Variants in PLXNA4 observed in about 807,000 individuals in gnomAD.
PLXNA4 encodes the protein plexin-A4.
A neutral mutation model predicts 191.8 loss-of-function variants in PLXNA4; 44 were observed. The observed-to-expected ratio is 0.23, with a 90% CI of 0.18 to 0.29. The LOEUF (loss-of-function observed/expected upper bound fraction) is 0.29. Among genes scored for constraint, PLXNA4 ranks in the 10% least tolerant of loss-of-function variants. The pLI is 1.00. For synonymous variants in PLXNA4, 1,082 were observed against 1,009.5 expected (o/e 1.07, Z -1.36); for missense variants, 1,800 against 2,488.8 (o/e 0.72, Z 5.89).
intron 3 of PLXNA4, among the ~76,000 whole-genome samples, chr7:132,377,097 A>G (rs1272301098): frequency 6.6e-6 from 1 of 152,204 alleles, no homozygotes; most frequent in Non-Finnish European, 1.5e-5. Context: ...CTATGAGGCA[A>G]TTGGATCTCT....
At chr7:132,635,145 G>A (rs927398540) in intron 2 of PLXNA4, among the ~76,000 whole-genome samples, 2 of 146,426 alleles carry the variant, frequency 1.4e-5, no homozygotes, top group Non-Finnish European at 3.0e-5. Flanking sequence ...GTGATGGTGT[G>A]AGTTAATACT....
At chr7:132,409,651 A>G (rs1017703723) in intron 3 of PLXNA4, among the ~76,000 whole-genome samples, 1 of 152,286 alleles carries the variant, frequency 6.6e-6, no homozygotes, top group East Asian at 1.9e-4. Flanking sequence ...TGATAATTAC[A>G]TGGGACTGTA....
intron 2 of PLXNA4, among the ~76,000 whole-genome samples, chr7:132,588,286 C>A (rs967830571): frequency 1.3e-5 from 2 of 151,932 alleles, no homozygotes; most frequent in Non-Finnish European, 2.9e-5. Flanking sequence ...TCTAGTTTGT[C>A]TTAAATGACC....
At chr7:132,244,910 T>C (rs1339476945) in intron 4 of PLXNA4, among the ~76,000 whole-genome samples, 1 of 152,230 alleles carries the variant, frequency 6.6e-6, no homozygotes, top group Non-Finnish European at 1.5e-5. Context: ...ACCTTGCTAG[T>C]ATGTTGCACA....
intron 3 of PLXNA4, among the ~76,000 whole-genome samples, chr7:132,378,847 C>CTT (rs11375919): frequency 2.4e-3 from 283 of 118,996 alleles, no homozygotes; most frequent in East Asian, 7.2e-3. Flanking sequence ...GGCACTGGAT[C>CTT]TTTTTTTTTT....
intron 2 of PLXNA4, among the ~76,000 whole-genome samples, chr7:132,595,735 C>G (rs991225432): frequency 6.6e-6 from 1 of 152,046 alleles, no homozygotes; most frequent in Admixed American, 6.6e-5. Context: ...CTTTCTTCCC[C>G]CAAGTATTGT....
At chr7:132,286,067 C>T (rs993582193) in intron 4 of PLXNA4, among the ~76,000 whole-genome samples, 8 of 152,186 alleles carry the variant, frequency 5.3e-5, no homozygotes, top group African/African-American at 1.7e-4. Flanking sequence ...CTTTTTCTTC[C>T]CTGATCCCTA....
chr7:132,152,298 C>T (rs1420656625), intron 25 of PLXNA4, among the ~76,000 whole-genome samples: 2 of 152,144 alleles, frequency 1.3e-5, no homozygotes, highest in East Asian at 3.9e-4. Flanking sequence ...GTAAAGATCC[C>T]AAGGTCAGGT....
At chr7:132,229,882 G>A (rs1798465479) in intron 5 of PLXNA4, among the ~76,000 whole-genome samples, 1 of 152,074 alleles carries the variant, frequency 6.6e-6, no homozygotes, top group African/African-American at 2.4e-5. Flanking sequence ...GGAAAGCTAT[G>A]GGGGTTTCTC....
At chr7:132,270,768 T>A (rs1375860970) in intron 4 of PLXNA4, among the ~76,000 whole-genome samples, 1 of 152,248 alleles carries the variant, frequency 6.6e-6, no homozygotes, top group African/African-American at 2.4e-5. Context: ...TTTTATCATT[T>A]AAAGTGCCTA....
At chr7:132,606,882 G>A (rs1364333277) in intron 2 of PLXNA4, among the ~76,000 whole-genome samples, 1 of 152,142 alleles carries the variant, frequency 6.6e-6, no homozygotes, top group Non-Finnish European at 1.5e-5. Flanking sequence ...CAAATCACGG[G>A]AAACAAGCTG....
chr7:132,505,363 G>A (rs1489382959), intron 2 of PLXNA4, among the ~76,000 whole-genome samples: 3 of 152,294 alleles, frequency 2.0e-5, no homozygotes, highest in Non-Finnish European at 2.9e-5. Flanking sequence ...GCAGCCAGAC[G>A]GACGCCTGCA....
intron 3 of PLXNA4, among the ~76,000 whole-genome samples, chr7:132,302,797 T>C (rs1002963018): frequency 1.3e-5 from 2 of 152,138 alleles, no homozygotes; most frequent in African/African-American, 2.4e-5. Context: ...CCAGTGGCCA[T>C]GGTTCAGTCA....
chr7:132,511,032 AGGAGAGTTT>A (rs3067199), intron 1 of PLXNA4, among the ~76,000 whole-genome samples: 55,802 of 151,732 alleles, frequency 0.37, 10,464 homozygotes, highest in African/African-American at 0.44. Flanking sequence ...CCTTTGCAGA[AGGAGAGTTT>A]GGAGCTGAGG....
chr7:132,323,183 A>G (rs1219229732), intron 3 of PLXNA4, among the ~76,000 whole-genome samples: 2 of 152,168 alleles, frequency 1.3e-5, no homozygotes, highest in African/African-American at 4.8e-5. Flanking sequence ...TCTCCCCACC[A>G]CCAGGCCTTA....
intron 3 of PLXNA4, among the ~76,000 whole-genome samples, chr7:132,451,649 G>A (rs1796127935): frequency 6.6e-6 from 1 of 152,244 alleles, no homozygotes; most frequent in South Asian, 2.1e-4. Context: ...GCAGTGAGCT[G>A]AGCTGTCATT....
chr7:132,610,306 C>T (rs887667737), intron 2 of PLXNA4, among the ~76,000 whole-genome samples: 2 of 152,178 alleles, frequency 1.3e-5, no homozygotes, highest in Non-Finnish European at 2.9e-5. Context: ...AATTTCTCCA[C>T]CAGAGCACTG....
In PLXNA4 at chr7:132,227,477, T is replaced by A; in HGVS notation, c.1856A>T (p.Glu619Val). The change falls in exon 7 of 32, where the codon GAG becomes GTG. Residue 619 changes from glutamate (E) to valine (V), a missense_variant. Glu to Val is a moderately radical substitution (Grantham distance 121, BLOSUM62 -2). Transcript: ENST00000321063. ...ATTCTCTGTGATGATCCGGGGCACC[T>A]CCTTGGCTGCAGGGGAGTAGCACTG... ...QIQCYSPAAK[E>V]VPRIITENGD... 5.6e-6 allele frequency: 9 copies of A among 1,614,212 alleles called. No individual in the cohort carries two copies. The highest frequency in any genetic ancestry group is 7.6e-6 in the Non-Finnish European group (9 of 1,180,038).
rs143514152 is a variant in PLXNA4 at position 132,385,698 on chromosome 7, G to T, written c.1372-87476C>A. ...AGTATCACTTTTTATCCAAAGGTGA[G>T]CATGCAAGTGCATGCGCGCACACAC... is the stretch of plus-strand genomic sequence containing the variant. On this transcript the variant is annotated intron_variant, in intron 3 of 31. Transcript: ENST00000321063. 4.6e-3 allele frequency among the ~76,000 whole-genome samples: 701 copies of T among 152,336 alleles called. 7 individuals are homozygous for T. Among genetic ancestry groups the T allele is most frequent in the African/African-American group, 0.016 (666 of 41,580 alleles).
Sources: allele counts gnomAD v4.1 joint callset (sites outside exome capture counted in the v4.1 genomes callset), GRCh38; gene constraint gnomAD v4.1.1; transcripts MANE v1.5; gene names NCBI Gene and HGNC (gene_info 2026-07-23, HGNC 2026-07-21).